CRIPTO: variants seen among roughly 807,000 people sequenced by gnomAD.
CRIPTO encodes the protein cripto, EGF-CFC family member.
At chr3:46,577,960 G>A in the CRIPTO span, 5 of 1,614,112 alleles carry the variant, frequency 3.1e-6, no homozygotes, top group African/African-American at 1.3e-5. Context: ...CCCCCTAATT[G>A]TTAAAAGCTA....
chr3:46,579,847 G>A, the CRIPTO span: 100 of 1,614,036 alleles, frequency 6.2e-5, no homozygotes, highest in Non-Finnish European at 8.1e-5. Flanking sequence ...CACGATGTGC[G>A]CAAAGAGTAA....
At chr3:46,576,480 C>CAAAAAAAAAAAAAAA in the CRIPTO span, among the ~76,000 whole-genome samples, 1 of 55,054 alleles carries the variant, frequency 1.8e-5, no homozygotes, top group African/African-American at 9.4e-5. Flanking sequence ...GACTCTGTCG[C>CAAAAAAAAAAAAAAA]AAAAAAAAAA....
the CRIPTO span, among the ~76,000 whole-genome samples, chr3:46,578,387 A>G: frequency 6.7e-6 from 1 of 149,576 alleles, no homozygotes; most frequent in Non-Finnish European, 1.5e-5. Context: ...AAAAAAACCC[A>G]CATTTTTTAC....
the CRIPTO span, chr3:46,581,203 A>G: frequency 6.2e-7 from 1 of 1,614,134 alleles, no homozygotes; most frequent in East Asian, 2.2e-5. Context: ...ACGTACTACC[A>G]CTTTTATGCT....
chr3:46,576,292 AC>A, the CRIPTO span, among the ~76,000 whole-genome samples: 2 of 151,890 alleles, frequency 1.3e-5, no homozygotes, highest in African/African-American at 4.8e-5. Context: ...ACATGGTGAA[AC>A]CCTGTCTCTA....
the CRIPTO span, chr3:46,580,020 T>G: frequency 1.2e-6 from 2 of 1,614,128 alleles, no homozygotes; most frequent in Admixed American, 1.7e-5. Context: ...GCTGGCACGG[T>G]CAGCTCCGCT....
At chr3:46,578,833 A>G in the CRIPTO span, among the ~76,000 whole-genome samples, 1 of 152,234 alleles carries the variant, frequency 6.6e-6, no homozygotes, top group African/African-American at 2.4e-5. Flanking sequence ...TAAAAGACAT[A>G]TACCTACTTA....
chr3:46,581,050 G>C, the CRIPTO span: 1 of 1,009,882 alleles, frequency 9.9e-7, no homozygotes, highest in Non-Finnish European at 1.6e-6. Flanking sequence ...TCACAGTAGC[G>C]TATAGATATG....
chr3:46,576,687 C>T, the CRIPTO span, among the ~76,000 whole-genome samples: 1 of 152,182 alleles, frequency 6.6e-6, no homozygotes, highest in Non-Finnish European at 1.5e-5. Flanking sequence ...ATTTGTGTGC[C>T]TGGCAACATT....
At chr3:46,580,209 T>A in the CRIPTO span, 2 of 1,007,854 alleles carry the variant, frequency 2.0e-6, no homozygotes, top group Non-Finnish European at 3.0e-6. Flanking sequence ...AGACTCCTGA[T>A]GAGATAGTTG....
the CRIPTO span, chr3:46,579,962 C>T: frequency 1.9e-6 from 3 of 1,614,224 alleles, no homozygotes; most frequent in Non-Finnish European, 2.5e-6. Context: ...AACTGTGGGT[C>T]TGTGCCCCAT....
chr3:46,579,174 ACT>A, the CRIPTO span: 3 of 1,613,854 alleles, frequency 1.9e-6, no homozygotes, highest in Admixed American at 5.0e-5. Context: ...TCTTTTGATC[ACT>A]CTCAATTTTT....
At chr3:46,575,851 T>G in the CRIPTO span, among the ~76,000 whole-genome samples, 1 of 152,212 alleles carries the variant, frequency 6.6e-6, no homozygotes, top group Non-Finnish European at 1.5e-5. Flanking sequence ...TGGTGAGGAC[T>G]GTGGTGCACA....
the CRIPTO span, among the ~76,000 whole-genome samples, chr3:46,576,421 C>T: frequency 1.5e-5 from 2 of 130,598 alleles, no homozygotes; most frequent in African/African-American, 3.0e-5. Flanking sequence ...GTGGAGGTTG[C>T]AGTGAGCCAA....
chr3:46,579,087 C>T, the CRIPTO span: 5 of 1,614,164 alleles, frequency 3.1e-6, no homozygotes, highest in Non-Finnish European at 4.2e-6. Context: ...CTGACTTCCT[C>T]TTCCTAGTGT....
chr3:46,579,302 C>G, the CRIPTO span: 1 of 1,614,142 alleles, frequency 6.2e-7, no homozygotes, highest in Non-Finnish European at 8.5e-7. Context: ...GCATTTGGCC[C>G]CAGGAGGAGC....
chr3:46,579,876 G>T, the CRIPTO span: 1 of 1,614,216 alleles, frequency 6.2e-7, no homozygotes, highest in Non-Finnish European at 8.5e-7. Flanking sequence ...GAGGGGCGGG[G>T]AGCCGTGGAG....
At chr3:46,580,714 G>A in the CRIPTO span, among the ~76,000 whole-genome samples, 1 of 152,162 alleles carries the variant, frequency 6.6e-6, no homozygotes, top group Non-Finnish European at 1.5e-5. Flanking sequence ...CAAATTCAGA[G>A]ACCTATTATA....
chr3:46,579,613 C>A, the CRIPTO span: 2 of 1,263,166 alleles, frequency 1.6e-6, no homozygotes, highest in Non-Finnish European at 1.2e-6. Flanking sequence ...AAAATGACTT[C>A]TCTGCTCAAA....
Sources: gnomAD v4.1 joint callset for allele counts (sites outside exome capture counted in the v4.1 genomes callset) on GRCh38, gnomAD v4.1.1 for gene constraint, MANE v1.5 for transcripts, NCBI Gene and HGNC (gene_info 2026-07-23, HGNC 2026-07-21) for gene names.